Variants in MIA2 observed in about 807,000 individuals in gnomAD.
MIA2 encodes the protein melanoma inhibitory activity protein 2.
A neutral mutation model predicts 167.8 loss-of-function variants in MIA2; 127 were observed. The observed-to-expected ratio is 0.76, with a 90% confidence interval of 0.66 to 0.88. The LOEUF (loss-of-function observed/expected upper bound fraction) is 0.88. Among genes scored for constraint, MIA2 ranks in the 40% least tolerant of loss-of-function variants. The probability of loss-of-function intolerance (pLI) is 0.00; values close to 1 mark genes in which losing one functional copy is unlikely to be tolerated. For synonymous variants in MIA2, 552 were observed against 541.9 expected, an observed-to-expected ratio of 1.02 and a Z score of -0.26; for missense variants, 1,690 against 1,624.7, an observed-to-expected ratio of 1.04 and a Z score of -0.69.
intron 23 of MIA2, among the ~76,000 whole-genome samples, chr14:39,360,582 T>C (rs1451098106): frequency 6.6e-6 from 1 of 152,196 alleles, no homozygotes; most frequent in African/African-American, 2.4e-5. Context: ...TGCATATATT[T>C]TCTCCCATTC....
intron 23 of MIA2, among the ~76,000 whole-genome samples, chr14:39,364,335 A>C (rs751144968): frequency 6.6e-6 from 1 of 151,066 alleles, no homozygotes; most frequent in Non-Finnish European, 1.5e-5. Context: ...GTGCCACTGC[A>C]CTCCAACCTG....
intron 24 of MIA2, among the ~76,000 whole-genome samples, chr14:39,325,812 C>G (rs1024098486): frequency 3.3e-5 from 5 of 151,816 alleles, no homozygotes; most frequent in African/African-American, 1.2e-4. Context: ...CTCCTGAGTT[C>G]AAGCCATTCT....
At chr14:39,373,517 G>T (rs2074990898) in intron 23 of MIA2, among the ~76,000 whole-genome samples, 1 of 152,200 alleles carries the variant, frequency 6.6e-6, no homozygotes, top group South Asian at 2.1e-4. Flanking sequence ...AATCCATTAG[G>T]ATGTGTAGAA....
At chr14:39,371,075 C>T (rs561541652) in intron 23 of MIA2, among the ~76,000 whole-genome samples, 12 of 152,150 alleles carry the variant, frequency 7.9e-5, no homozygotes, top group Admixed American at 3.3e-4. Context: ...TTTTATGTTA[C>T]GTAGTCATTT....
chr14:39,346,146 T>G (rs1355722164), intron 26 of MIA2, 120 bp downstream of exon 26: 1 of 764,686 alleles, frequency 1.3e-6, no homozygotes, highest in Non-Finnish European at 2.2e-6. Flanking sequence ...CAAAATCTCT[T>G]TCCTGAAAAT....
chr14:39,270,041 A>G (rs1409809651), intron 6 of MIA2, among the ~76,000 whole-genome samples: 8 of 152,070 alleles, frequency 5.3e-5, no homozygotes, highest in Non-Finnish European at 1.2e-4. Flanking sequence ...GAACTGCCAA[A>G]TTGTTTTCCA....
chr14:39,358,480 C>G (rs935422200), intron 23 of MIA2, among the ~76,000 whole-genome samples: 1 of 152,110 alleles, frequency 6.6e-6, no homozygotes, highest in Non-Finnish European at 1.5e-5. Context: ...AGGTTTTTAA[C>G]TTCTTTGCCA....
At chr14:39,281,381 G>GT (rs937227031) in intron 9 of MIA2, among the ~76,000 whole-genome samples, 91 of 151,550 alleles carry the variant, frequency 6.0e-4, no homozygotes, top group African/African-American at 2.1e-3. Context: ...CCATCTTTTT[G>GT]TTTGCCCACA....
At chr14:39,326,833 C>T in intron 24 of MIA2, 31 bp from the exon 25 acceptor site, 1 of 1,485,388 alleles carries the variant, frequency 6.7e-7, no homozygotes, top group Middle Eastern at 1.7e-4. Flanking sequence ...TAAGATGAAA[C>T]AGATTTGTAT....
intron 9 of MIA2, among the ~76,000 whole-genome samples, chr14:39,288,475 A>ATAT (rs1294270700): frequency 1.4e-4 from 7 of 50,518 alleles, no homozygotes; most frequent in East Asian, 7.6e-4. Flanking sequence ...ATATATATAT[A>ATAT]TTTTTTTTTT....
intron 25 of MIA2, among the ~76,000 whole-genome samples, chr14:39,344,417 A>T (rs2072741403): frequency 6.6e-6 from 1 of 152,154 alleles, no homozygotes; most frequent in South Asian, 2.1e-4. Context: ...CATTAGGCTA[A>T]CTCAAACCCT....
intron 23 of MIA2, among the ~76,000 whole-genome samples, chr14:39,358,490 A>G (rs1242238223): frequency 6.6e-6 from 1 of 152,020 alleles, no homozygotes; most frequent in African/African-American, 2.4e-5. Flanking sequence ...CTTCTTTGCC[A>G]TGGGTTCGAA....
rs964286716 is a variant in MIA2 at position 39,373,927 on chromosome 14, C to T, written c.2249-12958C>T. On this transcript the variant is annotated intron_variant, in intron 23 of 23. Coordinates refer to the MIA2 transcript ENST00000341502. ...TTGTAATCACAGCACTTTGGGAGTC[C>T]CACATGGGAGAATCACCTGAGCCCA... Among the ~76,000 whole-genome samples the T allele has an allele frequency of 3.9e-5, 6 of 152,254 alleles. 1 individual carries two copies. In the South Asian group the frequency reaches 1.2e-3, roughly 32 times the overall value.
intron 9 of MIA2, among the ~76,000 whole-genome samples, chr14:39,290,412 C>T (rs1048401060): frequency 1.3e-5 from 2 of 151,970 alleles, no homozygotes; most frequent in South Asian, 2.1e-4. Flanking sequence ...TCAATTTGAT[C>T]ACTTTTTTTG....
chr14:39,366,855 A>G (rs1196809099), intron 23 of MIA2, among the ~76,000 whole-genome samples: 1 of 152,156 alleles, frequency 6.6e-6, no homozygotes, highest in East Asian at 1.9e-4. Context: ...AGCTGCAGGT[A>G]GGCAACTCGT....
intron 17 of MIA2, among the ~76,000 whole-genome samples, chr14:39,307,715 T>C (rs11626679): frequency 6.6e-6 from 1 of 151,784 alleles, no homozygotes; most frequent in East Asian, 1.9e-4. Flanking sequence ...TTAAAACAAT[T>C]TATATAGCTC....
chr14:39,384,314 T>C (rs956253751), intron 23 of MIA2, among the ~76,000 whole-genome samples: 2 of 152,170 alleles, frequency 1.3e-5, no homozygotes. Context: ...GTTTACTCAA[T>C]ATTTTAAGCC....
At chr14:39,277,748 GTATA>G (rs1167732482) in intron 7 of MIA2, among the ~76,000 whole-genome samples, 1 of 1,844 alleles carries the variant, frequency 5.4e-4, no homozygotes, top group South Asian at 0.031. Context: ...ATATATGTGT[GTATA>G]TATATATATA....
chr14:39,335,868 A>G (rs527624891), intron 25 of MIA2, among the ~76,000 whole-genome samples: 29 of 152,248 alleles, frequency 1.9e-4, no homozygotes, highest in African/African-American at 7.0e-4. Context: ...TTAGTTTTAT[A>G]TTTCTGCATT....
Sources: gnomAD v4.1 joint callset for allele counts (sites outside exome capture counted in the v4.1 genomes callset) on GRCh38, gnomAD v4.1.1 for gene constraint, MANE v1.5 for transcripts, NCBI Gene and HGNC (gene_info 2026-07-23, HGNC 2026-07-21) for gene names.